The following DPH6 variants were observed in gnomAD, a reference collection of about 807,000 sequenced individuals.
DPH6 encodes diphthine--ammonia ligase.
Under a neutral mutation model 38.2 loss-of-function variants are expected in DPH6, and 33 were observed. The observed-to-expected ratio is 0.86, with a 90% confidence interval of 0.65 to 1.15. The LOEUF is 1.15. Among genes scored for constraint, DPH6 ranks in the 50% most tolerant of loss-of-function variants. The pLI is 0.00. For synonymous variants in DPH6, 108 were observed against 103.0 expected (o/e 1.05, Z -0.30); for missense variants, 325 against 320.0 (o/e 1.02, Z -0.12).
downstream of DPH6, among the ~76,000 whole-genome samples, chr15:35,214,073 C>G (rs1417666844): frequency 1.3e-5 from 2 of 150,186 alleles, no homozygotes; most frequent in Non-Finnish European, 2.9e-5. Flanking sequence ...GATTGCGCCA[C>G]TGCACTCCAG....
intron 3 of DPH6, among the ~76,000 whole-genome samples, chr15:35,228,720 T>C (rs1463503980): frequency 1.3e-5 from 2 of 152,236 alleles, no homozygotes; most frequent in Non-Finnish European, 1.5e-5. Flanking sequence ...ATACTCCCTT[T>C]AGCATTTCTT....
At chr15:35,520,167 G>T in intron 3 of DPH6, 2 of 364,560 alleles carry the variant, frequency 5.5e-6, no homozygotes, top group Non-Finnish European at 7.5e-6. Flanking sequence ...GTCCCTTCTT[G>T]GATAAAATGA....
At chr15:35,244,962 T>C (rs1044898427) in intron 3 of DPH6, among the ~76,000 whole-genome samples, 3 of 152,194 alleles carry the variant, frequency 2.0e-5, no homozygotes, top group Non-Finnish European at 4.4e-5. Flanking sequence ...ATCATGTAAC[T>C]ACCACTGATA....
chr15:35,173,838 T>G, the DPH6 span, among the ~76,000 whole-genome samples: 1 of 152,228 alleles, frequency 6.6e-6, no homozygotes, highest in Non-Finnish European at 1.5e-5. Flanking sequence ...TCCCAGAGGT[T>G]AGACTTATCT....
At chr15:35,533,034 G>A (rs906322241) in intron 3 of DPH6, among the ~76,000 whole-genome samples, 2 of 151,722 alleles carry the variant, frequency 1.3e-5, no homozygotes, top group African/African-American at 4.8e-5. Flanking sequence ...TTGAACCTAG[G>A]AGGCGGAGGT....
At chr15:35,233,834 C>A (rs1005816320) in intron 3 of DPH6, among the ~76,000 whole-genome samples, 1 of 152,202 alleles carries the variant, frequency 6.6e-6, no homozygotes, top group Admixed American at 6.5e-5. Flanking sequence ...TTAATATTTT[C>A]ATTGTCTTTA....
At chr15:35,482,107 GT>G (rs976899952) in intron 3 of DPH6, among the ~76,000 whole-genome samples, 15 of 152,280 alleles carry the variant, frequency 9.9e-5, no homozygotes, top group African/African-American at 3.6e-4. Context: ...GCCAGAGAGG[GT>G]TGACTAGATT....
chr15:35,335,402 T>G (rs1040491018), intron 3 of DPH6, among the ~76,000 whole-genome samples: 1 of 152,192 alleles, frequency 6.6e-6, no homozygotes, highest in Non-Finnish European at 1.5e-5. Context: ...TCTGCTATGC[T>G]CTTTAGTTTA....
At chr15:35,178,898 A>G in the DPH6 span, among the ~76,000 whole-genome samples, 1 of 152,216 alleles carries the variant, frequency 6.6e-6, no homozygotes, top group African/African-American at 2.4e-5. Context: ...CTAGTACCCA[A>G]TAAGTGCTCA....
intron 3 of DPH6, among the ~76,000 whole-genome samples, chr15:35,258,018 G>A (rs1168548539): frequency 6.6e-6 from 1 of 152,100 alleles, no homozygotes; most frequent in Non-Finnish European, 1.5e-5. Context: ...TAGCTTTCCT[G>A]TAGAACATCA....
chr15:35,366,289 T>C (rs545556371), downstream of DPH6, among the ~76,000 whole-genome samples: 1 of 151,250 alleles, frequency 6.6e-6, no homozygotes, highest in African/African-American at 2.4e-5. Context: ...TCTGAAGGGG[T>C]CTTTTTATAG....
At chr15:35,311,292 G>T (rs2052139859) in intron 3 of DPH6, among the ~76,000 whole-genome samples, 1 of 152,182 alleles carries the variant, frequency 6.6e-6, no homozygotes, top group East Asian at 1.9e-4. Context: ...AAACAAAAAT[G>T]CACCCCCTCA....
chr15:35,218,427 A>G (rs974730331), exon 4 of DPH6: 10 of 152,202 alleles, frequency 6.6e-5, no homozygotes, highest in Admixed American at 2.0e-4. Context: ...TGACAGTCAA[A>G]TAACTACCAT....
chr15:35,154,287 CCATAAATA>C, the DPH6 span, among the ~76,000 whole-genome samples: 2 of 151,516 alleles, frequency 1.3e-5, no homozygotes, highest in Non-Finnish European at 2.9e-5. Flanking sequence ...AAATTTTAGG[CCATAAATA>C]CATACAATTA....
chr15:35,446,884 C>T (rs9806141), intron 5 of DPH6, among the ~76,000 whole-genome samples: 131,358 of 149,654 alleles, frequency 0.88, 57,947 homozygotes, highest in East Asian at 1. Flanking sequence ...TTTTTTTTTT[C>T]CTGAGACGGA....
intron 3 of DPH6, among the ~76,000 whole-genome samples, chr15:35,336,484 C>T (rs1595485481): frequency 6.6e-6 from 1 of 152,162 alleles, no homozygotes; most frequent in East Asian, 1.9e-4. Flanking sequence ...GTTGTGCATT[C>T]ATCACGTAGT....
chr15:35,355,992 CT>C (rs2052556722), intron 3 of DPH6, among the ~76,000 whole-genome samples: 1 of 152,138 alleles, frequency 6.6e-6, no homozygotes. Context: ...TCTTTTTATT[CT>C]TTTTTCTCTA....
intron 3 of DPH6, among the ~76,000 whole-genome samples, chr15:35,355,633 T>C (rs1050867917): frequency 6.6e-6 from 1 of 152,008 alleles, no homozygotes; most frequent in African/African-American, 2.4e-5. Context: ...TTCTGGCTTG[T>C]AGTTTCTGCC....
intron 3 of DPH6, among the ~76,000 whole-genome samples, chr15:35,258,384 C>A (rs180765698): frequency 5.3e-5 from 8 of 152,296 alleles, no homozygotes; most frequent in Admixed American, 5.2e-4. Flanking sequence ...AGGACACTTT[C>A]ACTGTGACAT....
Sources: gnomAD v4.1 joint callset for allele counts (sites outside exome capture counted in the v4.1 genomes callset) on GRCh38, gnomAD v4.1.1 for gene constraint, MANE v1.5 for transcripts, NCBI Gene and HGNC (gene_info 2026-07-23, HGNC 2026-07-21) for gene names.